FBLN7: variants seen among roughly 807,000 people sequenced by gnomAD.
FBLN7 encodes the protein fibulin 7, also known as fibulin-7.
Under a neutral mutation model 44.0 loss-of-function variants are expected in FBLN7, and 31 were observed. The ratio of observed to expected loss-of-function variants is 0.70; its 90% CI spans 0.53 to 0.95. FBLN7 has a LOEUF of 0.95. FBLN7 is among the 40% of genes least tolerant of loss of function. The pLI, the probability that FBLN7 is intolerant of heterozygous loss-of-function variation, is 0.00. For synonymous variants in FBLN7, 262 were observed against 253.4 expected (o/e 1.03, Z -0.32); for missense variants, 573 against 618.5 (o/e 0.93, Z 0.78).
chr2:112,195,177 G>A, the FBLN7 span, among the ~76,000 whole-genome samples: 1 of 152,224 alleles, frequency 6.6e-6, no homozygotes, highest in Admixed American at 6.5e-5. Flanking sequence ...AGACTATGAT[G>A]ATGAAAATTA....
chr2:112,197,274 CAGAG>C, the FBLN7 span, among the ~76,000 whole-genome samples: 3,949 of 98,188 alleles, frequency 0.04, 91 homozygotes, highest in Middle Eastern at 0.073. Context: ...CACACACACA[CAGAG>C]AGAGAGAGAG....
the FBLN7 span, among the ~76,000 whole-genome samples, chr2:112,205,978 T>C: frequency 1.3e-5 from 2 of 152,240 alleles, no homozygotes; most frequent in East Asian, 3.9e-4. Flanking sequence ...TTTGGTAGAA[T>C]TTGCCAGTGA....
intron 1 of FBLN7, among the ~76,000 whole-genome samples, chr2:112,140,885 A>C (rs560507564): frequency 2.0e-5 from 3 of 152,290 alleles, no homozygotes; most frequent in South Asian, 2.1e-4. Context: ...CTTGCTGTTT[A>C]ATTTTTCTGT....
At chr2:112,169,297 C>CAAACA (rs1177131329) in intron 3 of FBLN7, among the ~76,000 whole-genome samples, 1 of 152,022 alleles carries the variant, frequency 6.6e-6, no homozygotes, top group Non-Finnish European at 1.5e-5. Context: ...CAAACAAAAA[C>CAAACA]AAACAAAACA....
chr2:112,231,856 T>C, the FBLN7 span: 7 of 1,584,808 alleles, frequency 4.4e-6, no homozygotes, highest in Non-Finnish European at 6.0e-6. Flanking sequence ...ACAATTCTTG[T>C]GTTTCAGGAG....
At chr2:112,180,743 ACCCCGT>A (rs1682938942) in intron 4 of FBLN7, among the ~76,000 whole-genome samples, 2 of 151,934 alleles carry the variant, frequency 1.3e-5, no homozygotes, top group Non-Finnish European at 2.9e-5. Context: ...ACATGGTGAA[ACCCCGT>A]CTCTACTAAA....
the FBLN7 span, chr2:112,215,906 A>G: frequency 6.6e-6 from 1 of 152,228 alleles, no homozygotes; most frequent in African/African-American, 2.4e-5. Flanking sequence ...TTTATTTATA[A>G]TAGTAAGAAA....
chr2:112,167,869 C>CGTTATGTTATGTTATTTATGTTGTTAT (rs60665286), intron 3 of FBLN7, among the ~76,000 whole-genome samples: 2 of 132,826 alleles, frequency 1.5e-5, no homozygotes, highest in African/African-American at 5.8e-5. Flanking sequence ...AGGAAAGACA[C>CGTTATGTTATGTTATTTATGTTGTTAT]GTTATGTTAT....
chr2:112,152,032 C>T (rs569870129), intron 1 of FBLN7: 1 of 152,340 alleles, frequency 6.6e-6, no homozygotes, highest in African/African-American at 2.4e-5. Flanking sequence ...TTCACTCGTT[C>T]ACTCGTTTGT....
the FBLN7 span, among the ~76,000 whole-genome samples, chr2:112,217,362 C>CA: frequency 1.2e-4 from 18 of 148,694 alleles, 1 homozygote; most frequent in Admixed American, 2.0e-4. Flanking sequence ...GACTCCATCT[C>CA]AAAAAAAAAG....
At chr2:112,199,528 G>C in the FBLN7 span, among the ~76,000 whole-genome samples, 3 of 152,104 alleles carry the variant, frequency 2.0e-5, no homozygotes, top group Admixed American at 2.0e-4. Context: ...CAAGAGTACT[G>C]ACTCTTCCAG....
At chr2:112,171,635 T>A (rs1041569004) in intron 3 of FBLN7, among the ~76,000 whole-genome samples, 1 of 152,226 alleles carries the variant, frequency 6.6e-6, no homozygotes, top group Admixed American at 6.5e-5. Context: ...ATGAATTTCC[T>A]TCTAGTCTTT....
chr2:112,164,651 A>G (rs1682046172), intron 2 of FBLN7, among the ~76,000 whole-genome samples: 1 of 152,232 alleles, frequency 6.6e-6, no homozygotes, highest in South Asian at 2.1e-4. Context: ...CAGGAGACCT[A>G]AAGAAACCCA....
downstream of FBLN7, among the ~76,000 whole-genome samples, chr2:112,193,022 T>C (rs893547239): frequency 1.3e-5 from 2 of 152,218 alleles, no homozygotes; most frequent in East Asian, 1.9e-4. Context: ...GAAAGGTGTT[T>C]GTCAGTATAT....
At chr2:112,239,568 T>G in the FBLN7 span, among the ~76,000 whole-genome samples, 6 of 149,060 alleles carry the variant, frequency 4.0e-5, no homozygotes, top group Non-Finnish European at 1.5e-5. Flanking sequence ...GTGGCCCAAT[T>G]TAACAGTTTA....
chr2:112,231,024 A>G, the FBLN7 span: 11 of 933,480 alleles, frequency 1.2e-5, no homozygotes, highest in Middle Eastern at 3.9e-4. Context: ...CATATTCATA[A>G]CTTTCAAATG....
the FBLN7 span, chr2:112,236,467 C>G: frequency 6.6e-7 from 1 of 1,511,972 alleles, no homozygotes; most frequent in South Asian, 1.3e-5. Context: ...GCTTCCACCT[C>G]TCCATATCAC....
intron 1 of FBLN7, among the ~76,000 whole-genome samples, chr2:112,143,392 A>G (rs1217489428): frequency 1.3e-5 from 2 of 152,110 alleles, no homozygotes; most frequent in African/African-American, 2.4e-5. Flanking sequence ...GGGAGCTGCT[A>G]TGGTGTTTAA....
the FBLN7 span, among the ~76,000 whole-genome samples, chr2:112,207,974 T>C: frequency 6.6e-5 from 10 of 152,232 alleles, no homozygotes; most frequent in Non-Finnish European, 7.3e-5. Flanking sequence ...AGAAAGTAAA[T>C]ATTTTGGGCT....
Sources: allele counts gnomAD v4.1 joint callset (sites outside exome capture counted in the v4.1 genomes callset), GRCh38; gene constraint gnomAD v4.1.1; transcripts MANE v1.5; gene names NCBI Gene and HGNC (gene_info 2026-07-23, HGNC 2026-07-21).